Variants in CDRT4 observed in about 807,000 individuals in gnomAD.
The protein encoded by CDRT4 is CMT1A duplicated region transcript 4.
For missense variants in CDRT4, 167 were observed against 193.1 expected, an observed-to-expected ratio of 0.87 and a Z score of 0.80; for synonymous variants, 64 against 69.6, an observed-to-expected ratio of 0.92 and a Z score of 0.40.
Position 15,437,849 on chromosome 17 carries a change from C to T in CDRT4, c.383G>A (p.Cys128Tyr). The change falls in exon 4 of 4, where the codon TGT becomes TAT. Residue 128 changes from cysteine (C) to tyrosine (Y), a missense_variant. Cys to Tyr is a radical substitution (Grantham distance 194, BLOSUM62 -2). Transcript: ENST00000619038. ...PTHLHADSRD[C>Y]PTENYNKIIF... ...GATCTTGTTATAGTTTTCAGTTGGACAGTCTCTGGAATCCGCATGTAAGTG... is the reference window on the plus strand; with the variant it reads ...GATCTTGTTATAGTTTTCAGTTGGATAGTCTCTGGAATCCGCATGTAAGTG... 1 of 1,614,126 alleles carries T rather than the reference C, an allele frequency of 6.2e-7. No individual in the cohort carries two copies. Among genetic ancestry groups the T allele is most frequent in the East Asian group, 2.2e-5 (1 of 44,876 alleles).
intron 1 of CDRT4, among the ~76,000 whole-genome samples, chr17:15,465,556 C>A (rs1235517300): frequency 1.3e-5 from 2 of 151,460 alleles, no homozygotes; most frequent in African/African-American, 4.9e-5. Context: ...CAAACACACA[C>A]AACAAAGACA....
chr17:15,456,605 G>A (rs934431881), intron 1 of CDRT4, among the ~76,000 whole-genome samples: 10 of 142,984 alleles, frequency 7.0e-5, no homozygotes, highest in African/African-American at 2.7e-4. Flanking sequence ...CACGGCTCAG[G>A]AGTAGGTTTC....
rs1204711745 is a variant in CDRT4 at position 15,464,007 on chromosome 17, A to G, written c.-130+3453T>C. On this transcript the variant is annotated intron_variant, in intron 1 of 3. Transcript: ENST00000619038. The surrounding 1 kb of genome is among the most constrained non-coding windows in gnomAD (Gnocchi z 4.5). ...CAAAGGTCAAGCAAGTAACAGAGTC[A>G]GAAGTCAGACAGAGCACGGGGACCA... Among the ~76,000 whole-genome samples, 2 of 152,224 alleles carry G rather than the reference A, an allele frequency of 1.3e-5. No individual in the cohort carries two copies. The highest frequency in any genetic ancestry group is 2.9e-5 in the Non-Finnish European group (2 of 68,036).
intron 2 of CDRT4, among the ~76,000 whole-genome samples, chr17:15,445,581 GCC>G (rs1223904815): frequency 6.6e-6 from 1 of 152,124 alleles, no homozygotes; most frequent in Non-Finnish European, 1.5e-5. Context: ...TTCTTCTCCT[GCC>G]CTTGTTTTGG....
chr17:15,439,753 G>A (rs972789092), intron 3 of CDRT4, among the ~76,000 whole-genome samples: 4 of 152,156 alleles, frequency 2.6e-5, no homozygotes, highest in Non-Finnish European at 5.9e-5. Flanking sequence ...GGAATACTAT[G>A]CAGCCATAAA....
intron 1 of CDRT4, among the ~76,000 whole-genome samples, chr17:15,462,427 C>CAAAAA (rs55662712): frequency 1.3e-4 from 8 of 59,864 alleles, no homozygotes; most frequent in South Asian, 9.0e-4. Flanking sequence ...GACTCCATCT[C>CAAAAA]AAAAAAAAAA....
At chr17:15,462,224 C>T (rs1300838378) in intron 1 of CDRT4, among the ~76,000 whole-genome samples, 3 of 151,980 alleles carry the variant, frequency 2.0e-5, no homozygotes, top group Admixed American at 6.5e-5. Flanking sequence ...GTCAGGAGAT[C>T]GAGACCATCC....
intron 3 of CDRT4, 67 bp downstream of exon 3, chr17:15,440,141 C>A: frequency 6.6e-7 from 1 of 1,525,136 alleles, no homozygotes; most frequent in Non-Finnish European, 8.8e-7. Flanking sequence ...CCTCTTCCCA[C>A]TGCGAATCCT....
rs1979200334 is a variant in CDRT4 at position 15,450,192 on chromosome 17, T to A, written c.-48+2812A>T. 6.6e-6 allele frequency among the ~76,000 whole-genome samples: 1 copy of A among 152,124 alleles called. No homozygotes were observed. Among genetic ancestry groups the A allele is most frequent in the Admixed American group, 6.5e-5 (1 of 15,270 alleles). On this transcript the variant is annotated intron_variant, in intron 2 of 3. Transcript: ENST00000619038. This position sits in a 1 kb window ranked among gnomAD's most constrained non-coding sequence, Gnocchi z 4.2. ...TCCCACCAAGCAACTATTTCAAACC[T>A]CCTCTTCACCTCCTTCTCCTTCCAT... is the stretch of plus-strand genomic sequence containing the variant.
chr17:15,460,210 C>A (rs1423030901), intron 1 of CDRT4, among the ~76,000 whole-genome samples: 4 of 152,156 alleles, frequency 2.6e-5, no homozygotes, highest in African/African-American at 9.7e-5. Flanking sequence ...ACCTGCTTCC[C>A]CACTGGCCTT....
chr17:15,444,714 C>CAGAGAGAGAGAG (rs59581257), intron 2 of CDRT4, among the ~76,000 whole-genome samples: 3,402 of 135,778 alleles, frequency 0.025, 123 homozygotes, highest in African/African-American at 0.073. Flanking sequence ...TAGCCAAGCG[C>CAGAGAGAGAGAG]AGAGAGAGAG....
intron 2 of CDRT4, among the ~76,000 whole-genome samples, chr17:15,447,866 C>A (rs771258877): frequency 3.9e-5 from 6 of 152,140 alleles, no homozygotes; most frequent in Non-Finnish European, 8.8e-5. Context: ...CACTGGCAGA[C>A]TGGACAAGTA....
intron 1 of CDRT4, among the ~76,000 whole-genome samples, chr17:15,465,670 CACAA>C (rs1294149911): frequency 2.0e-5 from 3 of 152,116 alleles, no homozygotes; most frequent in African/African-American, 4.8e-5. Context: ...CAAAGATACA[CACAA>C]CACACAAAAC....
chr17:15,443,960 C>A (rs1251786540), intron 2 of CDRT4: 15 of 692,260 alleles, frequency 2.2e-5, no homozygotes, highest in African/African-American at 1.9e-4. Context: ...GGTCTCCTGT[C>A]GAAATCCAAA....
At chr17:15,443,769 C>T (rs1332842637) in intron 2 of CDRT4, 7 of 506,140 alleles carry the variant, frequency 1.4e-5, no homozygotes, top group South Asian at 3.2e-5. Flanking sequence ...CCAGTCTTCT[C>T]GGACAGAAAA....
chr17:15,447,714 G>T (rs551076160), intron 2 of CDRT4, among the ~76,000 whole-genome samples: 15 of 152,278 alleles, frequency 9.9e-5, no homozygotes, highest in Non-Finnish European at 1.6e-4. Context: ...TAAAACACAT[G>T]TGGTCATTAT....
intron 1 of CDRT4, among the ~76,000 whole-genome samples, chr17:15,459,018 A>G (rs1295550314): frequency 6.6e-6 from 1 of 152,212 alleles, no homozygotes; most frequent in Non-Finnish European, 1.5e-5. Flanking sequence ...GGTAATAAAG[A>G]AAATCTGCAA....
intron 1 of CDRT4, among the ~76,000 whole-genome samples, chr17:15,456,303 A>G (rs1282919815): frequency 6.6e-6 from 1 of 152,164 alleles, no homozygotes; most frequent in African/African-American, 2.4e-5. Flanking sequence ...GATGTAGGGC[A>G]AGATACGGGG....
chr17:15,436,635 C>T lies in CDRT4; in HGVS notation c.*1138G>A, dbSNP rs1052147133. On this transcript the variant is annotated 3_prime_UTR_variant, in exon 4 of 4. Coordinates refer to ENST00000619038, the MANE Select transcript of CDRT4 (RefSeq NM_001204477.2). ...CTGCCAGGAGCTCCTCCCCCAAGCA[C>T]TTGGTTCCACAAGGCAAACCCCAGA... 6.6e-6 allele frequency: 1 copy of T among 152,234 alleles called. No individual in the cohort carries two copies. The highest frequency in any genetic ancestry group is 1.5e-5 in the Non-Finnish European group (1 of 68,058). 9.4% of individuals were successfully genotyped at this position (152,234 alleles called of 1,614,324 possible). A position where few individuals can be genotyped will look rare whatever the true frequency, so the allele number is the denominator to read the frequency against.
Sources: gnomAD v4.1 joint callset for allele counts (sites outside exome capture counted in the v4.1 genomes callset) on GRCh38, gnomAD v4.1.1 for gene constraint, Gnocchi (gnomAD v3.1) non-coding constraint, MANE v1.5 for transcripts, NCBI Gene and HGNC (gene_info 2026-07-23, HGNC 2026-07-21) for gene names.